Variants in SDK1 observed in about 807,000 individuals in gnomAD.
SDK1 encodes sidekick cell adhesion molecule 1.
A neutral mutation model predicts 245.5 loss-of-function variants in SDK1; 157 were observed. The observed-to-expected ratio is 0.64, with a 90% CI of 0.56 to 0.73. SDK1 has a LOEUF of 0.73. Ranked by LOEUF, SDK1 falls within the 30% of genes least tolerant of loss-of-function variation. The pLI is 0.00. For missense variants in SDK1, 3,583 were observed against 3,002.3 expected, an observed-to-expected ratio of 1.19 and a Z score of -4.52; for synonymous variants, 1,647 against 1,278.5, an observed-to-expected ratio of 1.29 and a Z score of -6.15.
At chr7:3,774,677 C>T (rs1780499608) in intron 4 of SDK1, among the ~76,000 whole-genome samples, 5 of 152,192 alleles carry the variant, frequency 3.3e-5, no homozygotes, top group Admixed American at 1.3e-4. Flanking sequence ...GTTCTCTCTC[C>T]TCTGCCATCT....
At chr7:4,231,055 A>G (rs1785729204) in intron 40 of SDK1, among the ~76,000 whole-genome samples, 1 of 152,110 alleles carries the variant, frequency 6.6e-6, no homozygotes, top group South Asian at 2.1e-4. Flanking sequence ...GCCTGAACAG[A>G]GTAAATGCAC....
chr7:3,648,869 C>A (rs1049665510), intron 4 of SDK1, among the ~76,000 whole-genome samples: 1 of 152,180 alleles, frequency 6.6e-6, no homozygotes, highest in African/African-American at 2.4e-5. Context: ...ATTACTTATT[C>A]TCCCTTTGCC....
At chr7:3,713,420 A>G (rs919934097) in intron 4 of SDK1, among the ~76,000 whole-genome samples, 3 of 152,196 alleles carry the variant, frequency 2.0e-5, no homozygotes, top group African/African-American at 4.8e-5. Flanking sequence ...AAAGGTGGAG[A>G]GAGGGGAAAA....
At chr7:4,053,213 G>A (rs1486143984) in intron 19 of SDK1, among the ~76,000 whole-genome samples, 4 of 151,738 alleles carry the variant, frequency 2.6e-5, no homozygotes, top group Non-Finnish European at 5.9e-5. Flanking sequence ...TTTGGCCGTC[G>A]CCAGCTCCAC....
chr7:4,208,072 A>G, intron 36 of SDK1, 27 bp from the exon 37 acceptor site: 2 of 1,585,490 alleles, frequency 1.3e-6, no homozygotes, highest in Non-Finnish European at 1.7e-6. Context: ...CCCAGGACCC[A>G]CCCCAACCTC....
intron 5 of SDK1, among the ~76,000 whole-genome samples, chr7:3,905,114 C>A (rs1778852464): frequency 6.6e-6 from 1 of 151,720 alleles, no homozygotes; most frequent in African/African-American, 2.4e-5. Flanking sequence ...GTATAATCAG[C>A]ACCTTTTTTT....
At chr7:4,174,949 G>A (rs568475039) in intron 33 of SDK1, among the ~76,000 whole-genome samples, 16 of 152,282 alleles carry the variant, frequency 1.1e-4, no homozygotes, top group Admixed American at 2.0e-4. Context: ...CCCACCAAAC[G>A]GTGTCACAAA....
chr7:3,854,149 T>C (rs1780483739), intron 5 of SDK1, among the ~76,000 whole-genome samples: 1 of 152,074 alleles, frequency 6.6e-6, no homozygotes, highest in Non-Finnish European at 1.5e-5. Context: ...ATATTATAGA[T>C]CTTACTTTCT....
At chr7:3,520,440 C>G (rs1241255364) in intron 1 of SDK1, among the ~76,000 whole-genome samples, 1 of 152,194 alleles carries the variant, frequency 6.6e-6, no homozygotes, top group Non-Finnish European at 1.5e-5. Context: ...CTGTACACAG[C>G]TGTCGAACTC....
intron 1 of SDK1, among the ~76,000 whole-genome samples, chr7:3,334,384 C>T (rs1426234938): frequency 1.3e-5 from 2 of 152,158 alleles, no homozygotes; most frequent in South Asian, 2.1e-4. Context: ...AAGAAGCTGT[C>T]GGGTACGAAC....
intron 1 of SDK1, among the ~76,000 whole-genome samples, chr7:3,502,720 G>T (rs994259029): frequency 6.6e-6 from 1 of 152,090 alleles, no homozygotes; most frequent in East Asian, 1.9e-4. Context: ...TTGGGGTACC[G>T]TTTGGTATTT....
At chr7:3,723,743 C>T (rs527290983) in intron 4 of SDK1, among the ~76,000 whole-genome samples, 8 of 150,240 alleles carry the variant, frequency 5.3e-5, no homozygotes, top group East Asian at 2.0e-4. Context: ...TACATATACA[C>T]GTGTATATAC....
chr7:4,074,900 ATATATATATATATATATT>A (rs1562770572), intron 20 of SDK1, among the ~76,000 whole-genome samples: 11 of 59,510 alleles, frequency 1.8e-4, no homozygotes, highest in African/African-American at 1.6e-3. Flanking sequence ...ATATATATAT[ATATATATATATATATATT>A]TTTTTTTTTT....
At chr7:3,938,234 G>A (rs1477003725) in intron 5 of SDK1, among the ~76,000 whole-genome samples, 1 of 152,154 alleles carries the variant, frequency 6.6e-6, no homozygotes, top group African/African-American at 2.4e-5. Flanking sequence ...ACCTAATCTT[G>A]AGACAAATAC....
intron 1 of SDK1, among the ~76,000 whole-genome samples, chr7:3,453,240 A>C (rs1252749731): frequency 6.6e-6 from 1 of 152,186 alleles, no homozygotes; most frequent in Non-Finnish European, 1.5e-5. Context: ...CTAATGCTTA[A>C]ACAATGGCTC....
At chr7:3,978,270 C>T (rs1473954587) in intron 13 of SDK1, among the ~76,000 whole-genome samples, 2 of 152,142 alleles carry the variant, frequency 1.3e-5, no homozygotes, top group African/African-American at 4.8e-5. Context: ...TGCATACTTC[C>T]AATATAGCCC....
At chr7:3,974,196 A>AAG in intron 12 of SDK1, among the ~76,000 whole-genome samples, 173 bp from the exon 13 acceptor site, 2 of 151,812 alleles carry the variant, frequency 1.3e-5, no homozygotes, top group East Asian at 3.9e-4. Flanking sequence ...AAAAAAAAAA[A>AAG]AAAAGAAAGA....
chr7:3,558,725 G>A (rs1027169385), intron 1 of SDK1, among the ~76,000 whole-genome samples: 10 of 152,316 alleles, frequency 6.6e-5, no homozygotes, highest in Non-Finnish European at 2.9e-5. Flanking sequence ...GTTAAATCAT[G>A]AACATAAAAA....
intron 40 of SDK1, among the ~76,000 whole-genome samples, chr7:4,226,465 A>T (rs1785453772): frequency 6.6e-6 from 1 of 152,172 alleles, no homozygotes; most frequent in South Asian, 2.1e-4. Flanking sequence ...TCCCATCCCC[A>T]TCCTTCCTTA....
Sources: gnomAD v4.1 joint callset for allele counts (sites outside exome capture counted in the v4.1 genomes callset) on GRCh38, gnomAD v4.1.1 for gene constraint, MANE v1.5 for transcripts, NCBI Gene and HGNC (gene_info 2026-07-23, HGNC 2026-07-21) for gene names.